RAVER2: variants seen among roughly 807,000 people sequenced by gnomAD.
The protein encoded by RAVER2 is ribonucleoprotein PTB-binding 2.
In RAVER2, 46 loss-of-function variants were observed where a neutral mutation model predicts 78.1. The observed-to-expected ratio is 0.59, with a 90% CI of 0.46 to 0.75. The LOEUF (loss-of-function observed/expected upper bound fraction) is 0.75. Among genes scored for constraint, RAVER2 ranks in the 30% least tolerant of loss-of-function variants. The pLI is 0.00. For missense variants in RAVER2, 793 were observed against 837.5 expected (o/e 0.95, Z 0.66); for synonymous variants, 311 against 313.3 (o/e 0.99, Z 0.08).
chr1:64,793,506 G>A (rs1160807139), intron 5 of RAVER2, among the ~76,000 whole-genome samples: 4 of 152,106 alleles, frequency 2.6e-5, no homozygotes, highest in African/African-American at 7.2e-5. Flanking sequence ...TAACTGTTGT[G>A]TAATCACTTG....
At chr1:64,777,413 T>C (rs1652495461) in intron 2 of RAVER2, among the ~76,000 whole-genome samples, 1 of 152,114 alleles carries the variant, frequency 6.6e-6, no homozygotes, top group Non-Finnish European at 1.5e-5. Context: ...TTGATGAAAT[T>C]AGTTTAATGG....
At chr1:64,830,904 A>G (rs1165314130) in exon 12 of RAVER2, 1 of 1,613,462 alleles carries the variant, frequency 6.2e-7, no homozygotes, top group Admixed American at 1.7e-5. Flanking sequence ...AAGGTGGTTC[A>G]GTGGAATGTG....
At chr1:64,754,727 TG>T (rs1361135928) in intron 1 of RAVER2, among the ~76,000 whole-genome samples, 1 of 152,228 alleles carries the variant, frequency 6.6e-6, no homozygotes, top group Non-Finnish European at 1.5e-5. Flanking sequence ...ATTAGGGGAT[TG>T]TAGACCCTAG....
intron 1 of RAVER2, among the ~76,000 whole-genome samples, chr1:64,759,366 G>A (rs1350004311): frequency 2.7e-5 from 4 of 150,152 alleles, no homozygotes; most frequent in Non-Finnish European, 4.4e-5. Context: ...ACTACAAGGC[G>A]CCCGCCACCA....
intron 5 of RAVER2, among the ~76,000 whole-genome samples, chr1:64,793,386 A>C (rs1266798005): frequency 6.6e-6 from 1 of 152,092 alleles, no homozygotes; most frequent in Non-Finnish European, 1.5e-5. Context: ...TGATTATGTT[A>C]CTCTGACCAA....
chr1:64,796,357 C>G (rs1168739004), intron 5 of RAVER2, among the ~76,000 whole-genome samples: 1 of 151,918 alleles, frequency 6.6e-6, no homozygotes, highest in Non-Finnish European at 1.5e-5. Flanking sequence ...GCTATTATTT[C>G]TTCTTCATAT....
In RAVER2 at chr1:64,746,512, T is replaced by C. The variant is rs1651542445; in HGVS notation, c.249+1091T>C. Among the ~76,000 whole-genome samples the C allele has an allele frequency of 2.0e-5, 3 of 152,196 alleles. No individual in the cohort carries two copies. In the South Asian group the frequency reaches 6.2e-4, roughly 32 times the overall value. On this transcript the variant is annotated intron_variant, in intron 1 of 11. Coordinates refer to ENST00000294428, the Ensembl canonical transcript of RAVER2. The stretch of plus-strand genomic sequence containing the variant: ...TTGCAAGAGGGCTGGCTATTGACAA[T>C]TGCATGGCAGTTCTTCCATGTGACT...
chr1:64,754,815 C>T (rs1050530542), intron 1 of RAVER2, among the ~76,000 whole-genome samples: 1 of 152,198 alleles, frequency 6.6e-6, no homozygotes, highest in Non-Finnish European at 1.5e-5. Flanking sequence ...ACCATTTGGG[C>T]AGATCCAAAG....
At chr1:64,820,561 C>T (rs1653860209) in intron 11 of RAVER2, among the ~76,000 whole-genome samples, 1 of 152,144 alleles carries the variant, frequency 6.6e-6, no homozygotes, top group South Asian at 2.1e-4. Flanking sequence ...TCTCCCTCCT[C>T]CCACCCTCCA....
At chr1:64,814,062 T>A (rs1653695279) in intron 10 of RAVER2, among the ~76,000 whole-genome samples, 1 of 152,060 alleles carries the variant, frequency 6.6e-6, no homozygotes, top group Admixed American at 6.6e-5. Context: ...TAGGTGGGAC[T>A]ACAGGCATGT....
At chr1:64,774,131 C>T (rs1033433131) in intron 2 of RAVER2, among the ~76,000 whole-genome samples, 2 of 152,126 alleles carry the variant, frequency 1.3e-5, no homozygotes, top group African/African-American at 4.8e-5. Flanking sequence ...CTGTACGTTG[C>T]CTATTCACTC....
intron 1 of RAVER2, among the ~76,000 whole-genome samples, chr1:64,748,298 C>G (rs1049217605): frequency 4.6e-5 from 7 of 152,322 alleles, no homozygotes; most frequent in African/African-American, 1.7e-4. Context: ...GGTTCAAGTC[C>G]TTTTCGTCTC....
intron 3 of RAVER2, 33 bp from the exon 4 acceptor site, chr1:64,781,347 G>A (rs768108163): frequency 8.9e-6 from 13 of 1,466,770 alleles, no homozygotes; most frequent in Admixed American, 2.2e-5. Context: ...AGTAAAGATC[G>A]GAATTACTGT....
chr1:64,747,719 G>T lies in RAVER2; in HGVS notation c.249+2298G>T, dbSNP rs1347795986. Among the ~76,000 whole-genome samples the T allele has an allele frequency of 1.3e-5, 2 of 152,062 alleles. 1 individual carries two copies. The highest frequency in any genetic ancestry group is 2.9e-5 in the Non-Finnish European group (2 of 68,014). ...AGTAGAGATGTGGTTTTGCCATGTT[G>T]ACCAGGCCGGTCTTGAACTCCTGAC... On this transcript the variant is annotated intron_variant, in intron 1 of 11. Transcript: ENST00000294428.
chr1:64,820,635 C>T (rs1013306047), intron 11 of RAVER2, among the ~76,000 whole-genome samples: 1 of 152,200 alleles, frequency 6.6e-6, no homozygotes, highest in African/African-American at 2.4e-5. Flanking sequence ...TGTCATTTAG[C>T]TCCCACTTAC....
At chr1:64,763,043 G>C (rs78846439) in intron 1 of RAVER2, among the ~76,000 whole-genome samples, 44 of 152,292 alleles carry the variant, frequency 2.9e-4, no homozygotes, top group South Asian at 6.2e-4. Context: ...GGCACAGTGG[G>C]TCACGCCTGT....
At chr1:64,752,214 T>G (rs1159379253) in intron 1 of RAVER2, among the ~76,000 whole-genome samples, 2 of 152,218 alleles carry the variant, frequency 1.3e-5, no homozygotes, top group Admixed American at 6.5e-5. Context: ...GTTTTATGGT[T>G]GCACTTGGCC....
At chr1:64,808,314 G>GA (rs1014659497) in intron 9 of RAVER2, among the ~76,000 whole-genome samples, 3 of 151,636 alleles carry the variant, frequency 2.0e-5, no homozygotes, top group African/African-American at 4.8e-5. Flanking sequence ...AGTTTGTAAG[G>GA]AAAAAAAATC....
chr1:64,783,361 G>C (rs181270523), intron 4 of RAVER2, among the ~76,000 whole-genome samples: 1 of 152,130 alleles, frequency 6.6e-6, no homozygotes, highest in Admixed American at 6.5e-5. Flanking sequence ...GTGTAAAAGC[G>C]TTCCTATTTC....
Sources: allele counts gnomAD v4.1 joint callset (sites outside exome capture counted in the v4.1 genomes callset), GRCh38; gene constraint gnomAD v4.1.1; transcripts MANE v1.5; gene names NCBI Gene and HGNC (gene_info 2026-07-23, HGNC 2026-07-21).